The following FHIT variants were observed in gnomAD, a reference collection of about 807,000 sequenced individuals.
FHIT encodes bis(5'-adenosyl)-triphosphatase.
FHIT carries 19 observed loss-of-function variants against 17.9 expected under a neutral mutation model. The ratio of observed to expected loss-of-function variants is 1.06; its 90% CI spans 0.74 to 1.56. FHIT has a LOEUF of 1.56. FHIT is among the 40% of genes most tolerant of loss of function. FHIT has a pLI of 0.00. For missense variants in FHIT, 248 were observed against 189.2 expected (o/e 1.31, Z -1.82); for synonymous variants, 81 against 69.7 (o/e 1.16, Z -0.81).
At chr3:60,813,550 C>A (rs1701637067) in intron 4 of FHIT, among the ~76,000 whole-genome samples, 1 of 152,042 alleles carries the variant, frequency 6.6e-6, no homozygotes, top group Non-Finnish European at 1.5e-5. Context: ...ATGAAGCAAA[C>A]ACGTGTTGTA....
chr3:60,358,943 T>C (rs908822120), intron 5 of FHIT, among the ~76,000 whole-genome samples: 4 of 152,330 alleles, frequency 2.6e-5, no homozygotes, highest in African/African-American at 9.6e-5. Context: ...AAATGGTAGA[T>C]TGTTTTTCTT....
intron 5 of FHIT, among the ~76,000 whole-genome samples, chr3:60,015,917 A>G (rs973007370): frequency 2.6e-5 from 4 of 152,228 alleles, no homozygotes; most frequent in Non-Finnish European, 5.9e-5. Flanking sequence ...TGCTCCTAGA[A>G]AAACAACTCA....
At chr3:60,188,940 A>G (rs1467176657) in intron 5 of FHIT, among the ~76,000 whole-genome samples, 2 of 152,136 alleles carry the variant, frequency 1.3e-5, no homozygotes, top group Non-Finnish European at 2.9e-5. Context: ...CATCTAAAAG[A>G]AGGACACTAA....
intron 3 of FHIT, among the ~76,000 whole-genome samples, chr3:61,006,202 T>C (rs1331610806): frequency 1.3e-5 from 2 of 152,222 alleles, no homozygotes; most frequent in African/African-American, 4.8e-5. Flanking sequence ...ATAATTTCAA[T>C]TTTGAACCTT....
chr3:60,532,774 T>A (rs1424043069), intron 5 of FHIT, among the ~76,000 whole-genome samples: 1 of 152,226 alleles, frequency 6.6e-6, no homozygotes, highest in East Asian at 1.9e-4. Flanking sequence ...CAAAAGCGTA[T>A]CTTTGGCCTC....
chr3:60,245,399 T>C (rs1483802896), intron 5 of FHIT, among the ~76,000 whole-genome samples: 2 of 152,020 alleles, frequency 1.3e-5, no homozygotes. Flanking sequence ...AGATGATCCC[T>C]TCAAAGTTCT....
chr3:59,981,269 TAAAATTTC>T (rs1559518127), intron 7 of FHIT, among the ~76,000 whole-genome samples: 1 of 152,132 alleles, frequency 6.6e-6, no homozygotes, highest in African/African-American at 2.4e-5. Flanking sequence ...CTCAAAGGAT[TAAAATTTC>T]CACACTTGGA....
intron 5 of FHIT, among the ~76,000 whole-genome samples, chr3:60,231,536 T>C (rs1704496733): frequency 6.6e-6 from 1 of 152,164 alleles, no homozygotes; most frequent in African/African-American, 2.4e-5. Flanking sequence ...CACTCTTTTG[T>C]GTCTAGCTTT....
At chr3:60,789,614 C>A (rs1700709737) in intron 4 of FHIT, among the ~76,000 whole-genome samples, 1 of 152,170 alleles carries the variant, frequency 6.6e-6, no homozygotes, top group Non-Finnish European at 1.5e-5. Flanking sequence ...TGGTGGGCAG[C>A]AATGTAAATT....
intron 5 of FHIT, among the ~76,000 whole-genome samples, chr3:60,424,830 A>G (rs983805999): frequency 6.6e-6 from 1 of 152,182 alleles, no homozygotes; most frequent in Admixed American, 6.5e-5. Context: ...TGTCATTTCT[A>G]ACAATGAGGT....
At chr3:59,997,345 G>C (rs1699555602) in intron 7 of FHIT, among the ~76,000 whole-genome samples, 1 of 152,120 alleles carries the variant, frequency 6.6e-6, no homozygotes, top group Non-Finnish European at 1.5e-5. Context: ...AGAGAAGTCT[G>C]AAAGAGGACC....
chr3:60,777,035 G>A (rs1242591728), intron 4 of FHIT, among the ~76,000 whole-genome samples: 2 of 152,152 alleles, frequency 1.3e-5, no homozygotes, highest in Non-Finnish European at 2.9e-5. Flanking sequence ...ATCTTAATCT[G>A]CTCTTTGGCA....
At chr3:59,761,530 T>C (rs1701511576) in intron 8 of FHIT, among the ~76,000 whole-genome samples, 1 of 152,032 alleles carries the variant, frequency 6.6e-6, no homozygotes, top group Non-Finnish European at 1.5e-5. Flanking sequence ...AAGAATAAAA[T>C]AGAACAATTG....
At chr3:60,877,439 G>T (rs782542719) in intron 3 of FHIT, among the ~76,000 whole-genome samples, 1 of 152,104 alleles carries the variant, frequency 6.6e-6, no homozygotes, top group Admixed American at 6.5e-5. Flanking sequence ...TTCCCTCCTG[G>T]GGAAACAGTG....
chr3:60,514,045 C>G (rs1382701781), intron 5 of FHIT, among the ~76,000 whole-genome samples: 1 of 152,174 alleles, frequency 6.6e-6, no homozygotes, highest in Non-Finnish European at 1.5e-5. Flanking sequence ...TCTTCCCACT[C>G]CATTCCCTTT....
rs191568368 is a variant in FHIT at position 60,904,817 on chromosome 3, G to A, written c.-110-82806C>T. On this transcript the variant is annotated intron_variant, in intron 3 of 9. Coordinates refer to ENST00000492590, the MANE Select transcript of FHIT (RefSeq NM_002012.4). ...CAGCCAGGCACGGTGGCAGGCGCCTGTAATCCCAGCTACTCAGGAGGCTGA... is the reference window on the plus strand; with the variant it reads ...CAGCCAGGCACGGTGGCAGGCGCCTATAATCCCAGCTACTCAGGAGGCTGA... Among the ~76,000 whole-genome samples the A allele has an allele frequency of 4.3e-3, 656 of 151,878 alleles. 2 individuals carry two copies. The highest frequency in any genetic ancestry group is 0.015 in the African/African-American group (633 of 41,416).
chr3:61,112,548 G>A (rs1440119114), intron 2 of FHIT, among the ~76,000 whole-genome samples: 2 of 151,940 alleles, frequency 1.3e-5, no homozygotes, highest in African/African-American at 4.8e-5. Flanking sequence ...TCCTTTTCAG[G>A]GCAAACATGT....
rs188176749 is a variant in FHIT, at chr3:60,475,141, C to T, written c.103+61719G>A. Among the ~76,000 whole-genome samples the T allele has an allele frequency of 2.0e-5, 3 of 152,224 alleles. 1 individual carries two copies. The highest frequency in any genetic ancestry group is 2.0e-4 in the Admixed American group (3 of 15,300). On this transcript the variant is annotated intron_variant, in intron 5 of 9. Transcript: ENST00000492590. ...TACTACTAGTTGCTGTAGCAACTGTCGAAGTGTTTTACTATGTGCCAGGCA... is the reference window on the plus strand; with the variant it reads ...TACTACTAGTTGCTGTAGCAACTGTTGAAGTGTTTTACTATGTGCCAGGCA...
chr3:59,895,082 G>C (rs1704012201), intron 8 of FHIT, among the ~76,000 whole-genome samples: 1 of 152,204 alleles, frequency 6.6e-6, no homozygotes, highest in Admixed American at 6.5e-5. Flanking sequence ...GTCACAACTG[G>C]GTGGGAGGTG....
Sources: allele counts gnomAD v4.1 joint callset (sites outside exome capture counted in the v4.1 genomes callset), GRCh38; gene constraint gnomAD v4.1.1; transcripts MANE v1.5; gene names NCBI Gene and HGNC (gene_info 2026-07-23, HGNC 2026-07-21).